TMEM245: variants seen among roughly 807,000 people sequenced by gnomAD.
The protein encoded by TMEM245 is transmembrane protein 245.
TMEM245 carries 69 observed loss-of-function variants against 101.2 expected under a neutral mutation model. The ratio of observed to expected loss-of-function variants is 0.68; its 90% CI spans 0.56 to 0.83. The LOEUF is 0.83. Among genes scored for constraint, TMEM245 ranks in the 40% least tolerant of loss-of-function variants. The probability of loss-of-function intolerance (pLI) is 0.00; values close to 1 mark genes in which losing one functional copy is unlikely to be tolerated. For synonymous variants in TMEM245, 537 were observed against 449.8 expected (o/e 1.19, Z -2.45); for missense variants, 1,075 against 1,092.8 (o/e 0.98, Z 0.23).
At chr9:109,106,462 C>G (rs117323641) in intron 3 of TMEM245, 46 bp downstream of exon 3, 49,973 of 1,291,186 alleles carry the variant, frequency 0.039, 1,101 homozygotes, top group Non-Finnish European at 0.043. Context: ...AGCTACTCTC[C>G]AAAATACTTC....
chr9:109,083,901 CAA>C (rs751739620), intron 7 of TMEM245, among the ~76,000 whole-genome samples: 20 of 34,474 alleles, frequency 5.8e-4, no homozygotes, highest in African/African-American at 1.0e-3. Context: ...ACTAAAAATA[CAA>C]AAAAAAAAAA....
At position 109,119,831 on chromosome 9, in the gene TMEM245, C is replaced by G. The variant is rs1241117327; in HGVS notation, c.83G>C (p.Gly28Ala). Reference protein sequence around the residue: ...GPAPRVPRAVGPSGGGGETPR... With the variant: ...GPAPRVPRAVAPSGGGGETPR... ...GGTCTCCCCGCCACCGCCACTCGGC[C>G]CGACCGCGCGCGGGACCCGCGGCGC... is the stretch of plus-strand genomic sequence containing the variant. Residue 28 changes from glycine (G) to alanine (A), a missense_variant, in exon 1 of 18, where the codon GGG becomes GCG. By Grantham distance (60) the Gly-to-Ala change is moderately conservative. Transcript: ENST00000374586. 5.9e-6 allele frequency: 8 copies of G among 1,359,858 alleles called. No individual in the cohort carries two copies. Among genetic ancestry groups the G allele is most frequent in the South Asian group, 5.6e-5 (3 of 53,776 alleles). 84.2% of individuals were successfully genotyped at this position (1,359,858 alleles called of 1,614,324 possible).
chr9:109,080,336 CTTT>C, intron 8 of TMEM245, among the ~76,000 whole-genome samples: 1 of 147,254 alleles, frequency 6.8e-6, no homozygotes, highest in Non-Finnish European at 1.5e-5. Context: ...TTTAGGTGTT[CTTT>C]AGAGAATAAT....
At chr9:109,111,090 G>T (rs188873833) in intron 1 of TMEM245, among the ~76,000 whole-genome samples, 27 of 152,182 alleles carry the variant, frequency 1.8e-4, no homozygotes, top group Non-Finnish European at 3.2e-4. Flanking sequence ...AAAAAGTTTT[G>T]CTCAGAAAAG....
In TMEM245 at chr9:109,016,147, G is replaced by A. The variant is rs1394739557; in HGVS notation, c.*4313C>T. On this transcript the variant is annotated 3_prime_UTR_variant, in exon 18 of 18. Transcript: ENST00000374586. ...TGAGATGCTCTGAGGAATAAAGAAG[G>A]GGAGTGCAGTCTAAGGTCAAACAGT... The A allele has an allele frequency of 6.6e-6, 1 of 152,568 alleles. No homozygotes were observed. Among genetic ancestry groups the A allele is most frequent in the Non-Finnish European group, 1.5e-5 (1 of 68,028 alleles). The allele number at this position is 152,568 out of a possible 1,614,324, so 9.5% of individuals were successfully genotyped here.
At position 109,119,798 on chromosome 9, in the gene TMEM245, G is replaced by A; in HGVS notation, c.116C>T (p.Thr39Ile). Reference protein sequence around the residue: ...PSGGGGETPRTAALALRFDKP... With the variant: ...PSGGGGETPRIAALALRFDKP... ...GTCGAAGCGCAGCGCCAGCGCCGCG[G>A]TCCGCGGGGTCTCCCCGCCACCGCC... Residue 39 changes from threonine to isoleucine, a missense_variant, in exon 1 of 18, where the codon ACC (threonine) becomes ATC (isoleucine). Physicochemically the swap from Thr to Ile is moderately conservative, Grantham distance 89 (BLOSUM62 -1). This residue lies in a region of TMEM245 where 808 missense variants were observed against 741.5 expected (regional missense o/e 1.09). Transcript: ENST00000374586. 1.4e-6 allele frequency: 2 copies of A among 1,457,300 alleles called. No homozygotes were observed. Among genetic ancestry groups the A allele is most frequent in the East Asian group, 3.0e-5 (1 of 33,444 alleles). The allele number at this position is 1,457,300 out of a possible 1,614,324, so 90.3% of individuals were successfully genotyped here.
chr9:109,064,264 G>C (rs1479623888), intron 10 of TMEM245, among the ~76,000 whole-genome samples: 1 of 152,160 alleles, frequency 6.6e-6, no homozygotes, highest in Non-Finnish European at 1.5e-5. Flanking sequence ...CATCTATCTT[G>C]AAAAAGTACA....
At chr9:109,093,106 A>G (rs1244820423) in intron 4 of TMEM245, among the ~76,000 whole-genome samples, 1 of 152,222 alleles carries the variant, frequency 6.6e-6, no homozygotes, top group Non-Finnish European at 1.5e-5. Context: ...ATGGAAAATA[A>G]GAAATCAAGA....
At chr9:109,030,090 T>A (rs1229980984) in intron 17 of TMEM245, among the ~76,000 whole-genome samples, 1 of 152,226 alleles carries the variant, frequency 6.6e-6, no homozygotes, top group Non-Finnish European at 1.5e-5. Flanking sequence ...GAAAGCTAAC[T>A]TCTAACCTTC....
chr9:109,038,155 C>A (rs1473752667), intron 14 of TMEM245, 38 bp from the exon 15 acceptor site: 4 of 1,531,202 alleles, frequency 2.6e-6, no homozygotes, highest in Non-Finnish European at 3.6e-6. Context: ...AGTAAATAAA[C>A]AGTGTCATAT....
intron 4 of TMEM245, among the ~76,000 whole-genome samples, chr9:109,092,168 C>G (rs1830026214): frequency 6.6e-6 from 1 of 152,204 alleles, no homozygotes; most frequent in Admixed American, 6.5e-5. Flanking sequence ...AAGACCTTGT[C>G]TGTTTTGTTC....
chr9:109,075,631 T>C (rs1200061706), intron 8 of TMEM245, among the ~76,000 whole-genome samples: 3 of 152,228 alleles, frequency 2.0e-5, no homozygotes, highest in Non-Finnish European at 2.9e-5. Flanking sequence ...TCAAACTTGA[T>C]GGCATAAAGT....
chr9:109,091,185 C>A (rs371847190), intron 4 of TMEM245, 30 bp from the exon 5 acceptor site: 22 of 1,574,950 alleles, frequency 1.4e-5, no homozygotes, highest in Non-Finnish European at 1.7e-5. Flanking sequence ...CACCACACAC[C>A]GCATTAGTCC....
intron 14 of TMEM245, among the ~76,000 whole-genome samples, chr9:109,047,250 A>G (rs10512391): frequency 0.22 from 33,309 of 152,150 alleles, 4,434 homozygotes; most frequent in Admixed American, 0.3. Context: ...ATACTATGGA[A>G]CCAAGACATA....
chr9:109,040,841 G>A (rs948216580), intron 14 of TMEM245, among the ~76,000 whole-genome samples: 1 of 152,076 alleles, frequency 6.6e-6, no homozygotes, highest in African/African-American at 2.4e-5. Context: ...CCATTCACCA[G>A]CTGATGGGCA....
chr9:109,076,935 C>A (rs1829526803), intron 8 of TMEM245, among the ~76,000 whole-genome samples: 1 of 152,118 alleles, frequency 6.6e-6, no homozygotes, highest in South Asian at 2.1e-4. Context: ...CTCAAGCAAT[C>A]CTCCTGCCTC....
chr9:109,086,242 T>A (rs1274932809), intron 6 of TMEM245, among the ~76,000 whole-genome samples: 1 of 152,216 alleles, frequency 6.6e-6, no homozygotes, highest in Non-Finnish European at 1.5e-5. Context: ...GATAACCACA[T>A]CTTTGTTGGG....
rs751014707 is a variant in TMEM245 at position 109,086,016 on chromosome 9, C to T, written c.1325G>A (p.Trp442Ter). The change falls in exon 7 of 18, where the codon TGG (tryptophan) becomes TAG (stop). Residue 442 changes from tryptophan to a stop codon, truncating the protein, a stop_gained. Transcript: ENST00000374586. LOFTEE classifies it high-confidence loss of function. ...KFLLKVDSKL[W>*]HWLNKKMIIW... ...ATTTACCTTCTTATTTAGCCAGTGCCAGAGCTTGAGGATAGGGGGTAAGGT... is the reference window on the plus strand; with the variant it reads ...ATTTACCTTCTTATTTAGCCAGTGCTAGAGCTTGAGGATAGGGGGTAAGGT... 3 of 1,613,572 alleles carry T rather than the reference C, an allele frequency of 1.9e-6. No homozygotes were observed. In the African/African-American group the frequency reaches 4.0e-5, roughly 22 times the overall value.
chr9:109,081,543 G>A (rs930790048), intron 7 of TMEM245, among the ~76,000 whole-genome samples: 1 of 152,114 alleles, frequency 6.6e-6, no homozygotes, highest in Non-Finnish European at 1.5e-5. Context: ...CCCAAGGAGC[G>A]AGGGGTTGGG....
Sources: gnomAD v4.1 joint callset for allele counts (sites outside exome capture counted in the v4.1 genomes callset) on GRCh38, gnomAD v4.1.1 for gene constraint, gnomAD v4.1.1 regional missense constraint, MANE v1.5 for transcripts, NCBI Gene and HGNC (gene_info 2026-07-23, HGNC 2026-07-21) for gene names.